Variants in CPA6 observed in about 807,000 individuals in gnomAD.
CPA6 encodes carboxypeptidase A6.
Under a neutral mutation model 63.3 loss-of-function variants are expected in CPA6, and 58 were observed. The ratio of observed to expected loss-of-function variants is 0.92; its 90% CI spans 0.74 to 1.14. The LOEUF is 1.14. Ranked by LOEUF, CPA6 falls within the 50% of genes most tolerant of loss-of-function variation. The pLI, the probability that CPA6 is intolerant of heterozygous loss-of-function variation, is 0.00. For missense variants in CPA6, 565 were observed against 526.6 expected, an observed-to-expected ratio of 1.07 and a Z score of -0.71; for synonymous variants, 185 against 179.0, an observed-to-expected ratio of 1.03 and a Z score of -0.27.
chr8:67,613,286 T>G (rs1414829421), intron 2 of CPA6, among the ~76,000 whole-genome samples: 1 of 152,148 alleles, frequency 6.6e-6, no homozygotes, highest in Non-Finnish European at 1.5e-5. Flanking sequence ...AGAATCCAAG[T>G]TAGTGTTGTT....
At position 67,474,306 on chromosome 8, in the gene CPA6, C is replaced by T. The variant is rs941628365; in HGVS notation, c.838+9462G>A. The stretch of plus-strand genomic sequence containing the variant: ...GTGCGATCTTGGCTCACTGCCACCT[C>T]CACCTCCCGGATTCAAGCGATTCTC... On this transcript the variant is annotated intron_variant, in intron 8 of 10. Coordinates refer to ENST00000297770, the MANE Select transcript of CPA6 (RefSeq NM_020361.5). Among the ~76,000 whole-genome samples the T allele has an allele frequency of 3.3e-5, 5 of 152,260 alleles. No homozygotes were observed. In the South Asian group the frequency reaches 1.0e-3, roughly 32 times the overall value.
intron 8 of CPA6, among the ~76,000 whole-genome samples, chr8:67,437,297 A>C (rs1223141886): frequency 6.6e-6 from 1 of 152,202 alleles, no homozygotes; most frequent in African/African-American, 2.4e-5. Context: ...CGGTAAGCTG[A>C]GGCAGGAGAA....
intron 1 of CPA6, among the ~76,000 whole-genome samples, chr8:67,697,041 C>T (rs1395138569): frequency 5.3e-5 from 8 of 152,180 alleles, no homozygotes; most frequent in Non-Finnish European, 1.5e-5. Flanking sequence ...ATAAGGTGGA[C>T]ATTACACCCA....
intron 1 of CPA6, among the ~76,000 whole-genome samples, chr8:67,662,901 C>T (rs1386177829): frequency 6.6e-6 from 1 of 152,066 alleles, no homozygotes; most frequent in African/African-American, 2.4e-5. Flanking sequence ...TCAATTAGAG[C>T]TGAATCACAC....
intron 2 of CPA6, among the ~76,000 whole-genome samples, chr8:67,536,605 A>G (rs1812589933): frequency 6.6e-6 from 1 of 152,182 alleles, no homozygotes; most frequent in Admixed American, 6.5e-5. Flanking sequence ...GGCTGAGACG[A>G]TGGGATTTTC....
intron 8 of CPA6, among the ~76,000 whole-genome samples, chr8:67,474,618 C>T (rs976978981): frequency 6.6e-6 from 1 of 152,136 alleles, no homozygotes; most frequent in African/African-American, 2.4e-5. Flanking sequence ...ACACTACTGA[C>T]TTCATTCTTA....
intron 2 of CPA6, among the ~76,000 whole-genome samples, chr8:67,545,623 A>G (rs1318651809): frequency 2.2e-5 from 3 of 136,764 alleles, no homozygotes; most frequent in African/African-American, 7.8e-5. Context: ...GCTGGAGTAC[A>G]ATGGCGTGAT....
chr8:67,710,963 C>T (rs139939229), intron 1 of CPA6, among the ~76,000 whole-genome samples: 216 of 152,220 alleles, frequency 1.4e-3, no homozygotes, highest in African/African-American at 5.0e-3. Context: ...CAAAGTAATG[C>T]TCTCCATAGT....
At chr8:67,707,700 A>G (rs943484645) in intron 1 of CPA6, among the ~76,000 whole-genome samples, 5 of 152,162 alleles carry the variant, frequency 3.3e-5, no homozygotes, top group African/African-American at 1.2e-4. Flanking sequence ...TGAGGTCAGG[A>G]GTTCAAGACC....
intron 2 of CPA6, among the ~76,000 whole-genome samples, chr8:67,539,582 G>A (rs554886420): frequency 2.8e-4 from 42 of 152,300 alleles, no homozygotes; most frequent in African/African-American, 8.4e-4. Flanking sequence ...ATAATATCCT[G>A]AAGAGTGTTT....
At chr8:67,468,792 T>C (rs1810988968) in intron 8 of CPA6, among the ~76,000 whole-genome samples, 1 of 152,078 alleles carries the variant, frequency 6.6e-6, no homozygotes, top group Non-Finnish European at 1.5e-5. Context: ...GCATGTACTG[T>C]ATCTCTGGGT....
At chr8:67,520,872 C>T (rs905862565) in intron 2 of CPA6, among the ~76,000 whole-genome samples, 4 of 152,228 alleles carry the variant, frequency 2.6e-5, no homozygotes, top group African/African-American at 9.6e-5. Flanking sequence ...AACTTCCTGA[C>T]CTAGTATTTG....
intron 2 of CPA6, among the ~76,000 whole-genome samples, chr8:67,588,295 T>G (rs2128980184): frequency 6.6e-6 from 1 of 152,308 alleles, no homozygotes; most frequent in East Asian, 1.9e-4. Context: ...GGTTACTGAT[T>G]AGATGACTGG....
chr8:67,742,292 A>G (rs867505634), intron 1 of CPA6, among the ~76,000 whole-genome samples: 12 of 152,128 alleles, frequency 7.9e-5, no homozygotes, highest in African/African-American at 2.9e-4. Context: ...AATTTTACCT[A>G]TATAATCTCT....
chr8:67,589,361 T>C, intron 2 of CPA6, among the ~76,000 whole-genome samples: 1 of 152,214 alleles, frequency 6.6e-6, no homozygotes, highest in Non-Finnish European at 1.5e-5. Context: ...ATATACCTTG[T>C]GGAAGAATCT....
At chr8:67,670,747 A>G (rs1471565555) in intron 1 of CPA6, among the ~76,000 whole-genome samples, 1 of 152,206 alleles carries the variant, frequency 6.6e-6, no homozygotes, top group Non-Finnish European at 1.5e-5. Context: ...GCAAATCAAC[A>G]TCAAGTACAT....
chr8:67,442,722 C>A (rs937052117), intron 8 of CPA6, among the ~76,000 whole-genome samples: 1 of 152,076 alleles, frequency 6.6e-6, no homozygotes, highest in African/African-American at 2.4e-5. Context: ...CTGTGGTGCC[C>A]ATAAAATACA....
chr8:67,562,894 A>G (rs1296208068), intron 2 of CPA6, among the ~76,000 whole-genome samples: 13 of 152,164 alleles, frequency 8.5e-5, no homozygotes, highest in Admixed American at 2.0e-4. Context: ...AGCAGCCCCA[A>G]TGGACTAAGA....
intron 2 of CPA6, among the ~76,000 whole-genome samples, chr8:67,595,162 C>G (rs921522032): frequency 6.6e-6 from 1 of 152,186 alleles, no homozygotes; most frequent in African/African-American, 2.4e-5. Context: ...CCCTGTTTGC[C>G]TGGGTATCAG....
Sources: allele counts gnomAD v4.1 joint callset (sites outside exome capture counted in the v4.1 genomes callset), GRCh38; gene constraint gnomAD v4.1.1; transcripts MANE v1.5; gene names NCBI Gene and HGNC (gene_info 2026-07-23, HGNC 2026-07-21).